The following COL22A1 variants were observed in gnomAD, a reference collection of about 807,000 sequenced individuals.
COL22A1 encodes collagen alpha-1(XXII) chain.
A neutral mutation model predicts 248.9 loss-of-function variants in COL22A1; 221 were observed. The ratio of observed to expected loss-of-function variants is 0.89; its 90% CI spans 0.80 to 0.99. COL22A1 has a LOEUF of 0.99. Among genes scored for constraint, COL22A1 ranks in the 50% least tolerant of loss-of-function variants. The pLI is 0.00. For missense variants in COL22A1, 2,240 were observed against 2,179.0 expected (o/e 1.03, Z -0.56); for synonymous variants, 891 against 793.4 (o/e 1.12, Z -2.07).
intron 16 of COL22A1, among the ~76,000 whole-genome samples, chr8:138,774,450 G>C (rs1308622290): frequency 4.5e-5 from 6 of 134,016 alleles, no homozygotes; most frequent in African/African-American, 1.7e-4. Context: ...ACGGAGTCTT[G>C]CTCTGTCGCT....
intron 59 of COL22A1, among the ~76,000 whole-genome samples, chr8:138,603,812 A>G (rs1427086330): frequency 6.6e-6 from 1 of 152,176 alleles, no homozygotes; most frequent in African/African-American, 2.4e-5. Context: ...TGAAGTTAAG[A>G]ACGTGACCCA....
At chr8:138,596,052 C>T (rs1247622652) in intron 62 of COL22A1, among the ~76,000 whole-genome samples, 3 of 152,194 alleles carry the variant, frequency 2.0e-5, no homozygotes, top group African/African-American at 4.8e-5. Context: ...AATTCTGCTT[C>T]TAACAATTCT....
At chr8:138,628,305 G>A (rs956795138) in intron 50 of COL22A1, among the ~76,000 whole-genome samples, 5 of 151,878 alleles carry the variant, frequency 3.3e-5, no homozygotes, top group Admixed American at 6.6e-5. Context: ...TACTTCTATT[G>A]GCTGGGCACC....
At chr8:138,688,754 A>C (rs1021163703) in intron 37 of COL22A1, among the ~76,000 whole-genome samples, 163 bp downstream of exon 37, 2 of 152,074 alleles carry the variant, frequency 1.3e-5, no homozygotes. Flanking sequence ...GTGAGGAATA[A>C]ATGAGCCAAT....
In COL22A1 at chr8:138,775,959, T is replaced by C; in HGVS notation, c.1803+7A>G. 4.3e-6 allele frequency: 7 copies of C among 1,613,992 alleles called. No individual in the cohort carries two copies. The highest frequency in any genetic ancestry group is 1.1e-5 in the South Asian group (1 of 91,070). The stretch of plus-strand genomic sequence containing the variant: ...CGTATTGATGAATGAGTGCAGACTA[T>C]AAATACCTTTTCTCCTCGAGTTCCC... On this transcript the variant is annotated splice_region_variant and intron_variant, in intron 16 of 64. Transcript: ENST00000303045.
At chr8:138,691,395 G>A (rs1178645821) in intron 35 of COL22A1, among the ~76,000 whole-genome samples, 1 of 151,444 alleles carries the variant, frequency 6.6e-6, no homozygotes, top group African/African-American at 2.4e-5. Flanking sequence ...GCATGTTTGT[G>A]GAGGTATGTG....
At chr8:138,868,329 G>A (rs1823057029) in intron 3 of COL22A1, among the ~76,000 whole-genome samples, 1 of 152,078 alleles carries the variant, frequency 6.6e-6, no homozygotes, top group Non-Finnish European at 1.5e-5. Flanking sequence ...TTCAGTTTGG[G>A]TAGGAGTGGG....
In COL22A1 at chr8:138,691,931, GGTGTGT is replaced by G. The variant is rs1201627476; in HGVS notation, c.2755-1063_2755-1058del. The stretch of plus-strand genomic sequence containing the variant: ...ACGTGCATGTGTGCATGTTTGTGGA[GGTGTGT>G]GTACGTGTGTGCATGTTTGTGGAGG... On this transcript the variant is annotated intron_variant, in intron 35 of 64. Coordinates refer to ENST00000303045, the MANE Select transcript of COL22A1 (RefSeq NM_152888.3). Among the ~76,000 whole-genome samples the G allele has an allele frequency of 6.6e-5, 4 of 61,022 alleles. No homozygotes were observed. The South Asian group carries it at 1.9e-3, about 29-fold the overall frequency. The allele number at this position is 61,022 out of a possible 152,430, so 40.0% of individuals were successfully genotyped here.
At chr8:138,838,192 C>T (rs377535725) in intron 4 of COL22A1, among the ~76,000 whole-genome samples, 43 of 152,280 alleles carry the variant, frequency 2.8e-4, no homozygotes, top group African/African-American at 1.0e-3. Context: ...CATTTGTCAT[C>T]TGTGCAAAGG....
chr8:138,779,524 AC>A lies in COL22A1; in HGVS notation c.1688del (p.Gly563ValfsTer93). 2 of 1,613,118 alleles carry A rather than the reference AC, an allele frequency of 1.2e-6. No individual in the cohort carries two copies. The highest frequency in any genetic ancestry group is 1.7e-6 in the Non-Finnish European group (2 of 1,179,118). ...PGELGEPGLP[G>X]EVGMRGPQGP... ...CAACACTCACCCGCATGCCGACCTC[AC>A]CCGGCAGCCCCGGCTCTCCCAGCTC... On this transcript the variant is annotated frameshift_variant, in exon 14 of 65. Transcript: ENST00000303045. LOFTEE classifies it high-confidence loss of function.
intron 32 of COL22A1, among the ~76,000 whole-genome samples, chr8:138,698,862 G>A (rs975245168): frequency 2.6e-4 from 39 of 152,236 alleles, no homozygotes; most frequent in African/African-American, 9.2e-4. Context: ...TGCAGTGAGT[G>A]CCTGTCTCTG....
chr8:138,717,134 T>G (rs1407223737), intron 27 of COL22A1, among the ~76,000 whole-genome samples: 1 of 152,096 alleles, frequency 6.6e-6, no homozygotes, highest in Non-Finnish European at 1.5e-5. Context: ...TAGAATTTAT[T>G]TTTTAATTTT....
At chr8:138,683,092 C>T (rs1826080699) in intron 39 of COL22A1, among the ~76,000 whole-genome samples, 1 of 152,224 alleles carries the variant, frequency 6.6e-6, no homozygotes, top group African/African-American at 2.4e-5. Context: ...TCTGAGCCCA[C>T]ATGTGCCCTG....
At chr8:138,589,524 C>T (rs974384070) in intron 64 of COL22A1, 84 bp from the exon 65 acceptor site, 98 of 1,169,824 alleles carry the variant, frequency 8.4e-5, no homozygotes, top group Non-Finnish European at 1.1e-4. Context: ...CTTCCATTCA[C>T]TATGAACTCA....
At chr8:138,882,235 C>T (rs1824264852) in intron 2 of COL22A1, among the ~76,000 whole-genome samples, 2 of 152,042 alleles carry the variant, frequency 1.3e-5, no homozygotes, top group Admixed American at 6.6e-5. Context: ...CTCTCTGTCA[C>T]GCTCTCTCCT....
In COL22A1 at chr8:138,690,866, G is replaced by A. The variant is rs375956923; in HGVS notation, c.2763C>T (p.Pro921=). ...TGGGACCGGGGGCACCGACATGTCCGGGAGCACCCTGTTCAGAGACAGAAG... is the reference window on the plus strand; with the variant it reads ...TGGGACCGGGGGCACCGACATGTCCAGGAGCACCCTGTTCAGAGACAGAAG... ...APGAAGNPGA[P]GHVGAPGPSG... The change falls in exon 36 of 65, where the codon CCC becomes CCT. Residue 921 remains proline, a synonymous_variant. Transcript: ENST00000303045. The A allele has an allele frequency of 3.4e-5, 55 of 1,609,672 alleles. No homozygotes were observed. The highest frequency in any genetic ancestry group is 2.7e-4 in the South Asian group (24 of 90,042).
At chr8:138,769,657 G>C (rs1834202686) in intron 16 of COL22A1, among the ~76,000 whole-genome samples, 1 of 152,178 alleles carries the variant, frequency 6.6e-6, no homozygotes, top group Non-Finnish European at 1.5e-5. Context: ...GCTGCCAAGT[G>C]GCTGCTCCAT....
At chr8:138,755,395 TG>T (rs891789094) in intron 20 of COL22A1, 86 bp downstream of exon 20, 9 of 1,435,556 alleles carry the variant, frequency 6.3e-6, no homozygotes, top group South Asian at 1.1e-5. Context: ...AGGCTCCATC[TG>T]AGTTCAGCCT....
chr8:138,613,700 G>C (rs1202544224), intron 56 of COL22A1, among the ~76,000 whole-genome samples, 167 bp downstream of exon 56: 1 of 151,718 alleles, frequency 6.6e-6, no homozygotes. Flanking sequence ...TGAGTGTTGG[G>C]GGAGGTGACT....
Sources: gnomAD v4.1 joint callset for allele counts (sites outside exome capture counted in the v4.1 genomes callset) on GRCh38, gnomAD v4.1.1 for gene constraint, MANE v1.5 for transcripts, NCBI Gene and HGNC (gene_info 2026-07-23, HGNC 2026-07-21) for gene names.